NSUN4: variants seen among roughly 807,000 people sequenced by gnomAD.
NSUN4 encodes the protein 5-cytosine rRNA methyltransferase NSUN4.
A neutral mutation model predicts 43.8 loss-of-function variants in NSUN4; 31 were observed. The observed-to-expected ratio is 0.71, with a 90% CI of 0.53 to 0.96. The LOEUF (loss-of-function observed/expected upper bound fraction) is 0.96, where lower values mean the gene tolerates loss of function less well. Among genes scored for constraint, NSUN4 ranks in the 40% least tolerant of loss-of-function variants. The pLI is 0.00. For missense variants in NSUN4, 439 were observed against 475.6 expected (o/e 0.92, Z 0.72); for synonymous variants, 167 against 184.1 (o/e 0.91, Z 0.75).
intron 1 of NSUN4, chr1:46,342,794 T>G: frequency 2.5e-6 from 1 of 392,818 alleles, no homozygotes; most frequent in Non-Finnish European, 4.4e-6. Context: ...AGTCACATAC[T>G]CCCCACAAAT....
chr1:46,380,245 A>G, the NSUN4 span, among the ~76,000 whole-genome samples: 1,572 of 152,314 alleles, frequency 0.01, 31 homozygotes, highest in African/African-American at 0.036. Flanking sequence ...AGCTGAAGAC[A>G]CATAAGAATA....
chr1:46,361,177 C>T (rs1663842040), intron 5 of NSUN4, among the ~76,000 whole-genome samples: 1 of 151,842 alleles, frequency 6.6e-6, no homozygotes, highest in Non-Finnish European at 1.5e-5. Context: ...AAAAAGCAAC[C>T]CTATCTAGTA....
intron 3 of NSUN4, among the ~76,000 whole-genome samples, chr1:46,348,197 A>T (rs1662665616): frequency 6.6e-6 from 1 of 152,076 alleles, no homozygotes; most frequent in African/African-American, 2.4e-5. Flanking sequence ...TCAAGTACTC[A>T]CTTCAGCCAT....
chr1:46,344,570 C>G (rs1374708687), intron 1 of NSUN4, among the ~76,000 whole-genome samples: 2 of 152,166 alleles, frequency 1.3e-5, no homozygotes, highest in Admixed American at 6.5e-5. Context: ...TTCTTGATGA[C>G]CCCCGCACAG....
At chr1:46,349,590 A>G (rs1347394669) in intron 3 of NSUN4, among the ~76,000 whole-genome samples, 1 of 152,174 alleles carries the variant, frequency 6.6e-6, no homozygotes, top group Non-Finnish European at 1.5e-5. Context: ...CGTGTGCCCA[A>G]GCCCTTCTGT....
In NSUN4 at chr1:46,364,127, G is replaced by A. The variant is rs1273111903; in HGVS notation, c.*2281G>A. 7.1e-6 allele frequency: 1 copy of A among 140,062 alleles called. No individual in the cohort carries two copies. Among genetic ancestry groups the A allele is most frequent in the East Asian group, 2.1e-4 (1 of 4,746 alleles). The allele number at this position is 140,062 out of a possible 1,614,324, so 8.7% of individuals were successfully genotyped here. On this transcript the variant is annotated 3_prime_UTR_variant, in exon 6 of 6. Coordinates refer to ENST00000474844, the MANE Select transcript of NSUN4 (RefSeq NM_199044.4). ...TAGATCAGCTTGGACAATGTAGTGA[G>A]ACCTGGTCTTTACCAAAAAAAAAAA...
chr1:46,361,934 C>T lies in NSUN4; in HGVS notation c.*88C>T. The T allele has an allele frequency of 5.8e-6, 7 of 1,198,474 alleles. No individual in the cohort carries two copies. Among genetic ancestry groups the T allele is most frequent in the South Asian group, 4.4e-5 (3 of 67,586 alleles). 74.2% of individuals were successfully genotyped at this position (1,198,474 alleles called of 1,614,324 possible). A position where few individuals can be genotyped will look rare whatever the true frequency, so the allele number is the denominator to read the frequency against. Reference sequence around the variant, plus strand: ...GAAACTGGGACCAGTGGCAGAGATGCACTCTCGGTCCTGTCTCCATCCTGT... The same window carrying T: ...GAAACTGGGACCAGTGGCAGAGATGTACTCTCGGTCCTGTCTCCATCCTGT... On this transcript the variant is annotated 3_prime_UTR_variant, in exon 6 of 6. Transcript: ENST00000474844.
chr1:46,351,137 A>G (rs1662947192), intron 3 of NSUN4, among the ~76,000 whole-genome samples: 1 of 151,164 alleles, frequency 6.6e-6, no homozygotes, highest in Non-Finnish European at 1.5e-5. Context: ...AGGCCGACGC[A>G]GGCAGATCAC....
chr1:46,362,081 A>G lies in NSUN4; in HGVS notation c.*235A>G. On this transcript the variant is annotated 3_prime_UTR_variant, in exon 6 of 6. Transcript: ENST00000474844. ...ACCCCTACCCCATCTCCAGGCCTGT[A>G]CTAAAGTTTGCTGCCCGCTTAGGGG... is the stretch of plus-strand genomic sequence containing the variant. The G allele has an allele frequency of 1.8e-6, 1 of 549,730 alleles. No individual in the cohort carries two copies. The highest frequency in any genetic ancestry group is 3.2e-6 in the Non-Finnish European group (1 of 308,506). 34.1% of individuals were successfully genotyped at this position (549,730 alleles called of 1,614,324 possible). A position where few individuals can be genotyped will look rare whatever the true frequency, so the allele number is the denominator to read the frequency against.
At chr1:46,380,429 C>G in the NSUN4 span, among the ~76,000 whole-genome samples, 1 of 152,204 alleles carries the variant, frequency 6.6e-6, no homozygotes, top group Admixed American at 6.5e-5. Flanking sequence ...AAACCCACCC[C>G]CATTGGATCT....
At position 46,360,942 on chromosome 1, in the gene NSUN4, C is replaced by T. The variant is rs1663825491; in HGVS notation, c.878+114C>T. The T allele has an allele frequency of 3.0e-5, 37 of 1,216,820 alleles. No homozygotes were observed. In the South Asian group the frequency reaches 4.9e-4, roughly 16 times the overall value. 75.4% of individuals were successfully genotyped at this position (1,216,820 alleles called of 1,614,324 possible). On this transcript the variant is annotated intron_variant, in intron 5 of 5. Coordinates refer to ENST00000474844, the MANE Select transcript of NSUN4 (RefSeq NM_199044.4). ...ACACAAGAATCTTATGGCTGGAGAT[C>T]TGCCTAGAGGAGACAGAAATGGGAT...
chr1:46,374,276 ATC>A, the NSUN4 span, among the ~76,000 whole-genome samples: 2 of 124,956 alleles, frequency 1.6e-5, no homozygotes, highest in Admixed American at 8.9e-5. Context: ...ACAAGAGTAA[ATC>A]TCTGTCTCAC....
At chr1:46,367,985 G>A (rs1664174193), downstream of NSUN4, among the ~76,000 whole-genome samples, 1 of 151,944 alleles carries the variant, frequency 6.6e-6, no homozygotes, top group African/African-American at 2.4e-5. Context: ...GGCTGGTCTT[G>A]AACTCTTGAG....
rs1334279250 is a variant in NSUN4 at position 46,362,376 on chromosome 1, C to A, written c.*530C>A. 6.5e-6 allele frequency: 1 copy of A among 153,860 alleles called. No homozygotes were observed. Among genetic ancestry groups the A allele is most frequent in the African/African-American group, 2.4e-5 (1 of 41,446 alleles). The allele number at this position is 153,860 out of a possible 1,614,324, so 9.5% of individuals were successfully genotyped here. A position where few individuals can be genotyped will look rare whatever the true frequency, so the allele number is the denominator to read the frequency against. ...ATGGCTCATGATCTAATTTAAGGAA[C>A]AAGTAACTAAAAATGTTAAGCCAGT... On this transcript the variant is annotated 3_prime_UTR_variant, in exon 6 of 6. Transcript: ENST00000474844.
downstream of NSUN4, among the ~76,000 whole-genome samples, chr1:46,366,369 A>G (rs1664132487): frequency 6.6e-6 from 1 of 152,172 alleles, no homozygotes; most frequent in Admixed American, 6.5e-5. Context: ...GCTGGAGGGA[A>G]CATAAAGTTA....
intron 1 of NSUN4, chr1:46,342,898 C>G: frequency 2.5e-6 from 1 of 400,092 alleles, no homozygotes; most frequent in Non-Finnish European, 4.4e-6. Flanking sequence ...TCCTGCCTCT[C>G]TGGTCCTTCT....
At chr1:46,371,499 G>A in the NSUN4 span, among the ~76,000 whole-genome samples, 2 of 152,064 alleles carry the variant, frequency 1.3e-5, no homozygotes, top group Non-Finnish European at 2.9e-5. Context: ...GTAGAGACGG[G>A]GTTTTACCAT....
At chr1:46,381,555 A>G in the NSUN4 span, among the ~76,000 whole-genome samples, 2 of 152,260 alleles carry the variant, frequency 1.3e-5, no homozygotes, top group African/African-American at 4.8e-5. Flanking sequence ...ATGCTTTGCA[A>G]CTGGAGTCCC....
At chr1:46,354,604 T>A (rs570833491) in intron 4 of NSUN4, among the ~76,000 whole-genome samples, 113 of 152,196 alleles carry the variant, frequency 7.4e-4, no homozygotes, top group Middle Eastern at 3.4e-3. Flanking sequence ...TTATGGAATC[T>A]TAGATAGGCT....
Sources: gnomAD v4.1 joint callset for allele counts (sites outside exome capture counted in the v4.1 genomes callset) on GRCh38, gnomAD v4.1.1 for gene constraint, MANE v1.5 for transcripts, NCBI Gene and HGNC (gene_info 2026-07-23, HGNC 2026-07-21) for gene names.